Variants in PRKCA observed in about 807,000 individuals in gnomAD.
The protein encoded by PRKCA is protein kinase C alpha type.
PRKCA carries 27 observed loss-of-function variants against 87.0 expected under a neutral mutation model. The ratio of observed to expected loss-of-function variants is 0.31; its 90% CI spans 0.23 to 0.43. The LOEUF is 0.43. PRKCA is among the 20% of genes least tolerant of loss of function. PRKCA has a pLI of 1.00. For missense variants in PRKCA, 518 were observed against 852.3 expected, an observed-to-expected ratio of 0.61 and a Z score of 4.88; for synonymous variants, 329 against 311.1, an observed-to-expected ratio of 1.06 and a Z score of -0.61.
chr17:66,556,323 C>CTTTTTTTTTTTTTT (rs61549626), intron 3 of PRKCA, among the ~76,000 whole-genome samples: 4 of 129,006 alleles, frequency 3.1e-5, no homozygotes, highest in East Asian at 4.5e-4. Flanking sequence ...CTTTCTTCTT[C>CTTTTTTTTTTTTTT]TTTTTTTTTT....
chr17:66,679,570 G>T (rs989341799), intron 5 of PRKCA, among the ~76,000 whole-genome samples: 1 of 152,248 alleles, frequency 6.6e-6, no homozygotes, highest in Non-Finnish European at 1.5e-5. Flanking sequence ...TGCAGGCTTT[G>T]CCTGCCTTCC....
chr17:66,553,405 G>T (rs939978051), intron 3 of PRKCA, among the ~76,000 whole-genome samples: 4 of 152,096 alleles, frequency 2.6e-5, no homozygotes, highest in African/African-American at 9.7e-5. Flanking sequence ...CCTTCCTCTT[G>T]TGTGTTCCCT....
At chr17:66,768,460 T>A (rs1229934261) in intron 13 of PRKCA, among the ~76,000 whole-genome samples, 2 of 152,146 alleles carry the variant, frequency 1.3e-5, no homozygotes, top group Non-Finnish European at 2.9e-5. Flanking sequence ...ACCACTGGAA[T>A]TGAAGTGAAA....
At chr17:66,749,501 C>G (rs1974383017) in intron 13 of PRKCA, among the ~76,000 whole-genome samples, 2 of 152,220 alleles carry the variant, frequency 1.3e-5, no homozygotes, top group African/African-American at 4.8e-5. Context: ...CCATCCAGGA[C>G]TGCTGACTCC....
In PRKCA at chr17:66,808,781, G is replaced by GCT. The variant is rs1414109090; in HGVS notation, c.*4746_*4747dup. ...GCTGGAGTGCGGTGGTACAATCTCG[G>GCT]CTCACTGCAACCTCCACCTCCCAGG... On this transcript the variant is annotated 3_prime_UTR_variant, in exon 17 of 17. Transcript: ENST00000413366. The GCT allele has an allele frequency of 6.6e-6, 1 of 152,248 alleles. No individual in the cohort carries two copies. Among genetic ancestry groups the GCT allele is most frequent in the African/African-American group, 2.4e-5 (1 of 41,382 alleles). 9.4% of individuals were successfully genotyped at this position (152,248 alleles called of 1,614,324 possible).
intron 3 of PRKCA, among the ~76,000 whole-genome samples, chr17:66,581,068 G>T (rs1445881947): frequency 2.0e-5 from 3 of 152,178 alleles, no homozygotes; most frequent in Non-Finnish European, 4.4e-5. Context: ...CACTTGTTAG[G>T]ATTCAGCAGT....
intron 3 of PRKCA, among the ~76,000 whole-genome samples, chr17:66,541,435 T>C (rs1030533394): frequency 1.2e-4 from 19 of 152,328 alleles, no homozygotes; most frequent in African/African-American, 4.3e-4. Context: ...GTTGCTTATA[T>C]TGATTTCTGC....
chr17:66,466,370 G>T (rs994337651), intron 2 of PRKCA, among the ~76,000 whole-genome samples: 3 of 152,160 alleles, frequency 2.0e-5, no homozygotes, highest in African/African-American at 7.2e-5. Context: ...GACCCAGGGA[G>T]CCCTGCGTTT....
At chr17:66,789,394 G>C (rs1975478129) in intron 16 of PRKCA, among the ~76,000 whole-genome samples, 1 of 152,224 alleles carries the variant, frequency 6.6e-6, no homozygotes, top group African/African-American at 2.4e-5. Flanking sequence ...GCACCGAAGG[G>C]AGCTCTGAAG....
chr17:66,437,056 A>G (rs887103689), intron 2 of PRKCA, among the ~76,000 whole-genome samples: 3 of 152,232 alleles, frequency 2.0e-5, no homozygotes, highest in African/African-American at 7.2e-5. Context: ...AAGAGGCAGC[A>G]GAGCAAACGA....
At chr17:66,599,760 TC>T (rs1970031223) in intron 3 of PRKCA, among the ~76,000 whole-genome samples, 1 of 40,780 alleles carries the variant, frequency 2.5e-5, no homozygotes, top group Non-Finnish European at 4.1e-5. Flanking sequence ...TTTGAATGCG[TC>T]CCAGAGATTT....
At chr17:66,643,760 G>T (rs888155486) in intron 4 of PRKCA, among the ~76,000 whole-genome samples, 11 of 152,146 alleles carry the variant, frequency 7.2e-5, no homozygotes, top group Non-Finnish European at 1.3e-4. Context: ...CTTAACTTCT[G>T]CAGAGAAGAA....
At chr17:66,790,861 G>A (rs151003769) in intron 16 of PRKCA, among the ~76,000 whole-genome samples, 1 of 152,020 alleles carries the variant, frequency 6.6e-6, no homozygotes, top group East Asian at 1.9e-4. Context: ...ACTTGGCTCC[G>A]CAGGCAAGAA....
At chr17:66,772,728 AGGG>A (rs1192652394) in intron 13 of PRKCA, among the ~76,000 whole-genome samples, 1 of 152,136 alleles carries the variant, frequency 6.6e-6, no homozygotes, top group East Asian at 1.9e-4. Flanking sequence ...CCTTCCACGA[AGGG>A]AGGTTATAGA....
At chr17:66,366,365 T>C (rs1374833913) in intron 2 of PRKCA, among the ~76,000 whole-genome samples, 1 of 152,216 alleles carries the variant, frequency 6.6e-6, no homozygotes, top group Non-Finnish European at 1.5e-5. Flanking sequence ...TATTAATTAC[T>C]CTGTTTTCCA....
intron 5 of PRKCA, among the ~76,000 whole-genome samples, chr17:66,653,708 C>T (rs72845986): frequency 0.16 from 23,723 of 151,124 alleles, 2,295 homozygotes; most frequent in Non-Finnish European, 0.22. Flanking sequence ...CTCCCCTCCC[C>T]TTGGATACCA....
chr17:66,787,090 T>A, intron 15 of PRKCA, 116 bp downstream of exon 15: 1 of 893,272 alleles, frequency 1.1e-6, no homozygotes, highest in Non-Finnish European at 1.9e-6. Flanking sequence ...ACCACTGCAT[T>A]TTGGCCATCG....
rs1182908942 is a variant in PRKCA at position 66,808,378 on chromosome 17, C to G, written c.*4341C>G. ...TCAGTACTGAAAAGAGAAAAAGTGA[C>G]AATCTTGTATTTTTAAAAGCCTCGG... On this transcript the variant is annotated 3_prime_UTR_variant, in exon 17 of 17. Transcript: ENST00000413366. 1 of 131,976 alleles carries G rather than the reference C, an allele frequency of 7.6e-6. No individual in the cohort carries two copies. Among genetic ancestry groups the G allele is most frequent in the East Asian group, 2.6e-4 (1 of 3,846 alleles). 8.2% of individuals were successfully genotyped at this position (131,976 alleles called of 1,614,324 possible).
chr17:66,332,045 A>AT (rs1906356706), intron 2 of PRKCA, among the ~76,000 whole-genome samples: 1 of 102,636 alleles, frequency 9.7e-6, no homozygotes, highest in Non-Finnish European at 2.0e-5. Flanking sequence ...GTAGCAAACC[A>AT]ATTTTTTTTT....
Sources: allele counts gnomAD v4.1 joint callset (sites outside exome capture counted in the v4.1 genomes callset), GRCh38; gene constraint gnomAD v4.1.1; transcripts MANE v1.5; gene names NCBI Gene and HGNC (gene_info 2026-07-23, HGNC 2026-07-21).